Variants in NKAIN3 observed in about 807,000 individuals in gnomAD.
NKAIN3 encodes the protein sodium/potassium-transporting ATPase subunit beta-1-interacting protein 3.
A neutral mutation model predicts 30.2 loss-of-function variants in NKAIN3; 25 were observed. The observed-to-expected ratio is 0.83, with a 90% CI of 0.60 to 1.16. The LOEUF (loss-of-function observed/expected upper bound fraction) is 1.16, where lower values mean the gene tolerates loss of function less well. Among genes scored for constraint, NKAIN3 ranks in the 50% most tolerant of loss-of-function variants. NKAIN3 has a pLI of 0.00. For synonymous variants in NKAIN3, 91 were observed against 89.6 expected (o/e 1.02, Z -0.09); for missense variants, 225 against 254.1 (o/e 0.89, Z 0.78).
chr8:62,874,669 A>G (rs982452038), intron 4 of NKAIN3, among the ~76,000 whole-genome samples: 1 of 152,262 alleles, frequency 6.6e-6, no homozygotes, highest in Non-Finnish European at 1.5e-5. Context: ...AACATATGCA[A>G]ATCAATAAAT....
chr8:62,302,309 T>C (rs1292610221), intron 1 of NKAIN3, among the ~76,000 whole-genome samples: 2 of 152,062 alleles, frequency 1.3e-5, no homozygotes, highest in Admixed American at 6.6e-5. Flanking sequence ...TCTTTCTTCT[T>C]ACCTCAGCTG....
intron 1 of NKAIN3, among the ~76,000 whole-genome samples, chr8:62,538,567 T>C (rs1808741219): frequency 6.6e-6 from 1 of 152,214 alleles, no homozygotes; most frequent in African/African-American, 2.4e-5. Flanking sequence ...AAGTGTCTAT[T>C]GCCATAAATT....
At chr8:62,570,739 G>A (rs993120508) in intron 1 of NKAIN3, among the ~76,000 whole-genome samples, 2 of 151,880 alleles carry the variant, frequency 1.3e-5, no homozygotes, top group Admixed American at 6.6e-5. Context: ...TTCACCTCTG[G>A]TCCCTCCAAA....
At chr8:62,898,449 A>C (rs181657511) in intron 4 of NKAIN3, among the ~76,000 whole-genome samples, 1 of 152,266 alleles carries the variant, frequency 6.6e-6, no homozygotes, top group East Asian at 1.9e-4. Flanking sequence ...TATTCAAAGT[A>C]ATTCAGGAGT....
At chr8:62,481,647 C>A (rs1202503824) in intron 1 of NKAIN3, among the ~76,000 whole-genome samples, 3 of 152,082 alleles carry the variant, frequency 2.0e-5, no homozygotes, top group East Asian at 3.9e-4. Flanking sequence ...TGATAGGAAA[C>A]CTTTACAAAA....
intron 1 of NKAIN3, among the ~76,000 whole-genome samples, chr8:62,313,195 T>G (rs1814503423): frequency 6.6e-6 from 1 of 152,178 alleles, no homozygotes. Flanking sequence ...TGTATGCCTT[T>G]AATACATAAA....
intron 1 of NKAIN3, among the ~76,000 whole-genome samples, chr8:62,509,206 C>A (rs916900295): frequency 1.3e-5 from 2 of 151,978 alleles, no homozygotes; most frequent in South Asian, 2.1e-4. Flanking sequence ...GGGAGGGGGT[C>A]CCAAGCAAAG....
At chr8:62,355,310 A>T (rs547313795) in intron 1 of NKAIN3, among the ~76,000 whole-genome samples, 17 of 152,308 alleles carry the variant, frequency 1.1e-4, no homozygotes, top group African/African-American at 3.6e-4. Flanking sequence ...AAACTTTGAA[A>T]TCTTCATAAT....
chr8:62,269,165 A>T (rs1436476638), intron 1 of NKAIN3, among the ~76,000 whole-genome samples: 2 of 152,006 alleles, frequency 1.3e-5, no homozygotes, highest in Non-Finnish European at 2.9e-5. Context: ...GCTCAATAAA[A>T]CCCCTGTGCA....
intron 3 of NKAIN3, among the ~76,000 whole-genome samples, chr8:62,697,263 A>G (rs1814187602): frequency 6.6e-6 from 1 of 152,070 alleles, no homozygotes; most frequent in African/African-American, 2.4e-5. Flanking sequence ...CCCTAGCCTC[A>G]TCCTCTGCCC....
intron 1 of NKAIN3, among the ~76,000 whole-genome samples, chr8:62,334,446 A>G (rs1815465224): frequency 1.3e-5 from 2 of 152,180 alleles, no homozygotes; most frequent in Middle Eastern, 3.4e-3. Flanking sequence ...CTATATAAGG[A>G]CACCAGTCCT....
chr8:62,607,225 T>A (rs559596072), intron 3 of NKAIN3, among the ~76,000 whole-genome samples: 4 of 152,320 alleles, frequency 2.6e-5, no homozygotes, highest in African/African-American at 9.6e-5. Flanking sequence ...ATTTAAAATG[T>A]CAATCTGGAA....
intron 4 of NKAIN3, among the ~76,000 whole-genome samples, chr8:62,872,343 G>C (rs1351794170): frequency 6.6e-6 from 1 of 152,218 alleles, no homozygotes; most frequent in Non-Finnish European, 1.5e-5. Context: ...CAAGGAATTT[G>C]CTGAAGTCTT....
At chr8:62,873,800 C>A (rs1352676865) in intron 4 of NKAIN3, among the ~76,000 whole-genome samples, 8 of 151,864 alleles carry the variant, frequency 5.3e-5, no homozygotes, top group East Asian at 1.9e-4. Flanking sequence ...AACAAAGAGG[C>A]AATATACCAG....
intron 1 of NKAIN3, among the ~76,000 whole-genome samples, chr8:62,249,605 G>A (rs1210473244): frequency 2.0e-5 from 3 of 152,246 alleles, no homozygotes; most frequent in Non-Finnish European, 4.4e-5. Context: ...AACTCTGTTA[G>A]TGAAGAGTGA....
chr8:62,431,558 A>G (rs954410536), intron 1 of NKAIN3, among the ~76,000 whole-genome samples: 9 of 151,914 alleles, frequency 5.9e-5, no homozygotes, highest in African/African-American at 2.2e-4. Context: ...AAATTCATGT[A>G]AAAGCTTTTT....
At chr8:62,881,590 A>G (rs1446397938) in intron 4 of NKAIN3, among the ~76,000 whole-genome samples, 1 of 152,166 alleles carries the variant, frequency 6.6e-6, no homozygotes, top group Non-Finnish European at 1.5e-5. Context: ...TTCTTTTTAG[A>G]CCGCATATTT....
At chr8:62,788,501 G>A (rs1817596470) in intron 4 of NKAIN3, among the ~76,000 whole-genome samples, 1 of 152,098 alleles carries the variant, frequency 6.6e-6, no homozygotes, top group East Asian at 1.9e-4. Context: ...TCACTCTGAT[G>A]GTGGTTTCTT....
At chr8:62,570,714 G>C (rs1425377857) in intron 1 of NKAIN3, among the ~76,000 whole-genome samples, 1 of 152,050 alleles carries the variant, frequency 6.6e-6, no homozygotes, top group East Asian at 1.9e-4. Flanking sequence ...GGGACACAGA[G>C]CCAAACCATA....
Sources: gnomAD v4.1 joint callset for allele counts (sites outside exome capture counted in the v4.1 genomes callset) on GRCh38, gnomAD v4.1.1 for gene constraint, MANE v1.5 for transcripts, NCBI Gene and HGNC (gene_info 2026-07-23, HGNC 2026-07-21) for gene names.